PTPN2: variants seen among roughly 807,000 people sequenced by gnomAD.
PTPN2 encodes the protein protein tyrosine phosphatase non-receptor type 2.
PTPN2 carries 19 observed loss-of-function variants against 57.3 expected under a neutral mutation model. That is an observed-to-expected ratio of 0.33 (90% confidence interval 0.23 to 0.49). The LOEUF is 0.49. Among genes scored for constraint, PTPN2 ranks in the 20% least tolerant of loss-of-function variants. The pLI is 0.99. For missense variants in PTPN2, 358 were observed against 501.1 expected (o/e 0.71, Z 2.73); for synonymous variants, 153 against 164.9 (o/e 0.93, Z 0.55).
intron 4 of PTPN2, among the ~76,000 whole-genome samples, chr18:12,826,586 T>C (rs951010693): frequency 2.6e-5 from 4 of 152,148 alleles, no homozygotes; most frequent in African/African-American, 9.7e-5. Context: ...TCTTTTCTTT[T>C]GAGCTGGAGT....
intron 6 of PTPN2, among the ~76,000 whole-genome samples, chr18:12,814,929 C>A (rs374795156): frequency 6.3e-4 from 95 of 151,776 alleles, no homozygotes; most frequent in African/African-American, 2.3e-3. Flanking sequence ...ACTAAAAATA[C>A]AAAAATTAGC....
At chr18:12,807,586 A>AAAATATATAT in intron 7 of PTPN2, among the ~76,000 whole-genome samples, 8 of 35,192 alleles carry the variant, frequency 2.3e-4, no homozygotes, top group Non-Finnish European at 4.3e-4. Flanking sequence ...AAAAAAAAAA[A>AAAATATATAT]ATATATATAT....
chr18:12,835,382 C>CTTTCTTTTTTTTT (rs2042821259), intron 3 of PTPN2, among the ~76,000 whole-genome samples: 10 of 99,018 alleles, frequency 1.0e-4, no homozygotes, highest in African/African-American at 3.3e-4. Flanking sequence ...TCACATATGT[C>CTTTCTTTTTTTTT]TTTTTTTTTT....
chr18:12,867,029 C>CAAAAAAAAAAAAAAA (rs71174146), intron 1 of PTPN2, among the ~76,000 whole-genome samples: 1 of 133,346 alleles, frequency 7.5e-6, no homozygotes. Flanking sequence ...AACAAACAAA[C>CAAAAAAAAAAAAAAA]AAAAAAAAAA....
intron 2 of PTPN2, chr18:12,840,909 G>C: frequency 6.5e-7 from 1 of 1,537,332 alleles, no homozygotes; most frequent in Non-Finnish European, 8.7e-7. Context: ...TCTCTAACTA[G>C]ACGCTCTGAT....
chr18:12,874,748 C>A (rs1248253329), intron 1 of PTPN2, among the ~76,000 whole-genome samples: 1 of 151,890 alleles, frequency 6.6e-6, no homozygotes, highest in Non-Finnish European at 1.5e-5. Context: ...TCTGCCCGGC[C>A]GCCCCTACTG....
intron 8 of PTPN2, among the ~76,000 whole-genome samples, chr18:12,801,502 G>T (rs1371223918): frequency 1.3e-5 from 2 of 151,736 alleles, no homozygotes; most frequent in Non-Finnish European, 2.9e-5. Flanking sequence ...AAAAAAAAAG[G>T]TTATATTAAT....
intron 8 of PTPN2, among the ~76,000 whole-genome samples, chr18:12,799,920 C>T (rs2041348765): frequency 6.6e-6 from 1 of 152,088 alleles, no homozygotes; most frequent in Non-Finnish European, 1.5e-5. Context: ...CGTGAGCCAC[C>T]ACGCCCGGCC....
chr18:12,884,232 G>C lies in PTPN2; in HGVS notation c.-91C>G. 1 of 977,338 alleles carries C rather than the reference G, an allele frequency of 1.0e-6. No homozygotes were observed. The highest frequency in any genetic ancestry group is 1.4e-6 in the Non-Finnish European group (1 of 721,314). The allele number at this position is 977,338 out of a possible 1,614,324, so 60.5% of individuals were successfully genotyped here. A position where few individuals can be genotyped will look rare whatever the true frequency, so the allele number is the denominator to read the frequency against. Reference sequence around the variant, plus strand: ...CCGGGGAGAGCGCTGGCGCTGCGGCGCATGCGCGCTGCGCGCCGCGCCCCG... The same window carrying C: ...CCGGGGAGAGCGCTGGCGCTGCGGCCCATGCGCGCTGCGCGCCGCGCCCCG... On this transcript the variant is annotated 5_prime_UTR_variant, in exon 1 of 9. Transcript: ENST00000309660.
At chr18:12,791,075 ATACAT>A (rs1714941222), downstream of PTPN2, among the ~76,000 whole-genome samples, 1 of 152,218 alleles carries the variant, frequency 6.6e-6, no homozygotes, top group Non-Finnish European at 1.5e-5. Context: ...TTTTATATGG[ATACAT>A]TAAACATGGA....
chr18:12,795,244 T>C (rs552684546), intron 8 of PTPN2, among the ~76,000 whole-genome samples: 27 of 152,286 alleles, frequency 1.8e-4, no homozygotes, highest in African/African-American at 5.3e-4. Flanking sequence ...TATTTGACCA[T>C]ACACATTTCT....
chr18:12,870,387 ATATATG>A (rs2044186916), intron 1 of PTPN2, among the ~76,000 whole-genome samples: 1 of 66,108 alleles, frequency 1.5e-5, no homozygotes, highest in Admixed American at 1.5e-4. Flanking sequence ...ATATATACGT[ATATATG>A]TATATATACA....
At chr18:12,844,475 G>A (rs933925113) in intron 2 of PTPN2, among the ~76,000 whole-genome samples, 2 of 152,176 alleles carry the variant, frequency 1.3e-5, no homozygotes, top group African/African-American at 2.4e-5. Flanking sequence ...TTTAGTAGGC[G>A]TCTAGTGACA....
intron 2 of PTPN2, among the ~76,000 whole-genome samples, chr18:12,849,896 T>C (rs181662791): frequency 2.2e-4 from 34 of 152,290 alleles, no homozygotes; most frequent in Admixed American, 1.8e-3. Flanking sequence ...TTTACTGCCA[T>C]AAAATTGTTG....
In PTPN2 at chr18:12,792,736, G is replaced by A. The variant is rs2041022845; in HGVS notation, c.*1542C>T. 1 of 175,602 alleles carries A rather than the reference G, an allele frequency of 5.7e-6. No homozygotes were observed. The allele number at this position is 175,602 out of a possible 1,614,324, so 10.9% of individuals were successfully genotyped here. On this transcript the variant is annotated 3_prime_UTR_variant, in exon 9 of 9. Coordinates refer to ENST00000309660, the MANE Select transcript of PTPN2 (RefSeq NM_002828.4). ...CTCCTGAGTAGCTGAGATTACAGGTGCCCTCCACCATGCCCAGCTAATTTT... is the reference window on the plus strand; with the variant it reads ...CTCCTGAGTAGCTGAGATTACAGGTACCCTCCACCATGCCCAGCTAATTTT...
intron 1 of PTPN2, among the ~76,000 whole-genome samples, chr18:12,870,324 T>TAC (rs1358369802): frequency 3.8e-4 from 28 of 73,496 alleles, no homozygotes; most frequent in Non-Finnish European, 5.9e-4. Context: ...TATATGTGTA[T>TAC]ATATATGTAT....
At chr18:12,785,954 C>A in intron 9 of PTPN2, 1 of 913,342 alleles carries the variant, frequency 1.1e-6, no homozygotes, top group Non-Finnish European at 1.8e-6. Context: ...AAAAGGTGAC[C>A]AAAAATCATT....
In PTPN2 at chr18:12,824,001, C is replaced by A. The variant is rs531199254; in HGVS notation, c.495+1809G>T. Among the ~76,000 whole-genome samples the A allele has an allele frequency of 7.9e-5, 12 of 152,234 alleles. No individual in the cohort carries two copies. In the South Asian group the frequency reaches 2.3e-3, roughly 29 times the overall value. ...CCCTTCATCTAAATCAATTTTAATGCCATAAGCAAATGAGTAATTACCTGG... is the reference window on the plus strand; with the variant it reads ...CCCTTCATCTAAATCAATTTTAATGACATAAGCAAATGAGTAATTACCTGG... On this transcript the variant is annotated intron_variant, in intron 5 of 8. Coordinates refer to ENST00000309660, the MANE Select transcript of PTPN2 (RefSeq NM_002828.4).
At chr18:12,825,652 A>G (rs906844793) in intron 5 of PTPN2, among the ~76,000 whole-genome samples, 158 bp downstream of exon 5, 5 of 152,128 alleles carry the variant, frequency 3.3e-5, no homozygotes, top group African/African-American at 1.2e-4. Context: ...TCAGAAAGCT[A>G]CTAGATGCAG....
Sources: gnomAD v4.1 joint callset for allele counts (sites outside exome capture counted in the v4.1 genomes callset) on GRCh38, gnomAD v4.1.1 for gene constraint, MANE v1.5 for transcripts, NCBI Gene and HGNC (gene_info 2026-07-23, HGNC 2026-07-21) for gene names.